DOCK10: variants seen among roughly 807,000 people sequenced by gnomAD.
The protein encoded by DOCK10 is dedicator of cytokinesis 10.
A neutral mutation model predicts 280.1 loss-of-function variants in DOCK10; 145 were observed. The observed-to-expected ratio is 0.52, with a 90% CI of 0.45 to 0.59. DOCK10 has a LOEUF of 0.59. DOCK10 is among the 20% of genes least tolerant of loss of function. The pLI is 0.00. For synonymous variants in DOCK10, 915 were observed against 942.2 expected (o/e 0.97, Z 0.53); for missense variants, 2,368 against 2,651.7 (o/e 0.89, Z 2.35).
chr2:224,884,463 T>C (rs1482755526), intron 7 of DOCK10, among the ~76,000 whole-genome samples: 3 of 152,176 alleles, frequency 2.0e-5, no homozygotes, highest in Admixed American at 6.5e-5. Flanking sequence ...TGAGGGAAGG[T>C]TGCTAAAACA....
chr2:224,851,537 G>A (rs1050070563), intron 18 of DOCK10, among the ~76,000 whole-genome samples: 4 of 146,434 alleles, frequency 2.7e-5, no homozygotes, highest in African/African-American at 7.6e-5. Flanking sequence ...ATTGATTATT[G>A]TTCTTCTGAA....
rs1694656896 is a variant in DOCK10 at position 224,823,667 on chromosome 2, T to C, written c.3037-20A>G. ...GGGAAGCTAAGGAAAGAACGGATTA[T>C]ATCTTTCTAATGTGGCATGTGAAAT... On this transcript the variant is annotated intron_variant, in intron 27 of 55. Coordinates refer to ENST00000258390, the MANE Select transcript of DOCK10 (RefSeq NM_014689.3). 6.4e-7 allele frequency: 1 copy of C among 1,563,532 alleles called. No individual in the cohort carries two copies.
intron 29 of DOCK10, among the ~76,000 whole-genome samples, chr2:224,817,013 T>C (rs1054337576): frequency 6.6e-6 from 1 of 152,210 alleles, no homozygotes; most frequent in Admixed American, 6.5e-5. Context: ...TTAGCATGAA[T>C]CATGACACAT....
intron 3 of DOCK10, among the ~76,000 whole-genome samples, chr2:224,911,659 C>A (rs1443248286): frequency 1.3e-5 from 2 of 152,074 alleles, no homozygotes; most frequent in Admixed American, 6.5e-5. Flanking sequence ...CAGCCAAATC[C>A]AAGGCTCTGA....
intron 7 of DOCK10, 43 bp downstream of exon 7, chr2:224,885,627 CA>C (rs1559655723): frequency 1.3e-6 from 2 of 1,507,894 alleles, no homozygotes; most frequent in Non-Finnish European, 1.8e-6. Context: ...ATATACTTTT[CA>C]AATAAAAAAA....
At position 224,845,591 on chromosome 2, in the gene DOCK10, A is replaced by T; in HGVS notation, c.2287T>A (p.Ser763Thr). ...ATGTCACAGGTGACGTGATAAAAAG[A>T]AAACAAAATATGGTGTTTCTCATGG... The part of the protein sequence containing the change: ...QLHEKHHILF[S>T]FYHVTCDINA... The change falls in exon 20 of 56, where the codon TCT (serine) becomes ACT (threonine). Residue 763 changes from serine to threonine, a missense_variant. Around this residue, in one of 2 missense-constraint regions of DOCK10, gnomAD observed 1,209 missense variants for 1,250.9 expected, o/e 0.97. Coordinates refer to ENST00000258390, the MANE Select transcript of DOCK10 (RefSeq NM_014689.3). The T allele has an allele frequency of 1.9e-6, 3 of 1,613,400 alleles. No individual in the cohort carries two copies. Among genetic ancestry groups the T allele is most frequent in the Non-Finnish European group, 2.5e-6 (3 of 1,179,564 alleles).
intron 1 of DOCK10, among the ~76,000 whole-genome samples, chr2:225,008,014 G>C (rs192870940): frequency 1.3e-5 from 2 of 152,190 alleles, no homozygotes; most frequent in Admixed American, 1.3e-4. Context: ...ACGCATAGCA[G>C]ATCCAATATG....
chr2:224,948,039 A>G (rs951758439), intron 1 of DOCK10, among the ~76,000 whole-genome samples: 3 of 152,242 alleles, frequency 2.0e-5, no homozygotes, highest in Non-Finnish European at 4.4e-5. Flanking sequence ...TGATAAACAG[A>G]TATACAATAT....
chr2:224,840,046 A>T lies in DOCK10; in HGVS notation c.2688T>A (p.His896Gln), dbSNP rs752014169. Residue 896 changes from histidine to glutamine, a missense_variant, in exon 24 of 56, where the codon CAT becomes CAA. By Grantham distance (24) the His-to-Gln change is conservative (BLOSUM62 0). Around this residue, in one of 2 missense-constraint regions of DOCK10, gnomAD observed 1,209 missense variants for 1,250.9 expected, o/e 0.97. Coordinates refer to ENST00000258390, the MANE Select transcript of DOCK10 (RefSeq NM_014689.3). Reference sequence around the variant, plus strand: ...TTATAGGCAGAAAACTCATGATTGCATGAATCTTTTCCACATTCAATAAGT... The same window carrying T: ...TTATAGGCAGAAAACTCATGATTGCTTGAATCTTTTCCACATTCAATAAGT... ...CKNLLNVEKI[H>Q]AIMSFLPIIL... 6.4e-7 allele frequency: 1 copy of T among 1,554,062 alleles called. No individual in the cohort carries two copies. The highest frequency in any genetic ancestry group is 1.9e-5 in the Admixed American group (1 of 52,688).
chr2:224,881,764 C>T (rs1221209703), intron 7 of DOCK10, among the ~76,000 whole-genome samples: 1 of 152,100 alleles, frequency 6.6e-6, no homozygotes, highest in Non-Finnish European at 1.5e-5. Context: ...ATTTTCAGAA[C>T]TTGAGTTGCT....
chr2:225,021,027 G>C (rs1169619470), intron 1 of DOCK10, among the ~76,000 whole-genome samples: 1 of 152,200 alleles, frequency 6.6e-6, no homozygotes, highest in African/African-American at 2.4e-5. Context: ...GTTTGCTAAA[G>C]GCAGGAGGAG....
intron 4 of DOCK10, among the ~76,000 whole-genome samples, chr2:224,894,469 A>C (rs1011808141): frequency 6.6e-6 from 1 of 152,208 alleles, no homozygotes. Flanking sequence ...CAGTCTCCCA[A>C]CTTCCGAGTT....
At chr2:224,833,250 G>A (rs1413377003) in intron 26 of DOCK10, among the ~76,000 whole-genome samples, 1 of 151,784 alleles carries the variant, frequency 6.6e-6, no homozygotes, top group African/African-American at 2.4e-5. Flanking sequence ...GTTCTGCTCT[G>A]AGTGGGAACG....
At chr2:224,961,402 T>TTCTTTCTTTC (rs747682625) in intron 1 of DOCK10, among the ~76,000 whole-genome samples, 1 of 121,358 alleles carries the variant, frequency 8.2e-6, no homozygotes, top group Non-Finnish European at 1.8e-5. Context: ...AGCATTTTCT[T>TTCTTTCTTTC]TCTTTCTTTC....
At chr2:224,900,113 C>T (rs1700209084) in intron 3 of DOCK10, among the ~76,000 whole-genome samples, 1 of 152,132 alleles carries the variant, frequency 6.6e-6, no homozygotes, top group Admixed American at 6.5e-5. Context: ...CCCTTTCTTG[C>T]TATTGATGGT....
chr2:224,837,604 A>T lies in DOCK10; in HGVS notation c.2850+158T>A, dbSNP rs1004191008. On this transcript the variant is annotated intron_variant, in intron 25 of 55. Transcript: ENST00000258390. ...AAATTCACCTAGCCCATTAATGCAA[A>T]GAGATGGAATTCTAAGTAGCTAAGG... is the stretch of plus-strand genomic sequence containing the variant. 10 of 610,922 alleles carry T rather than the reference A, an allele frequency of 1.6e-5. 1 individual carries two copies. The Middle Eastern group carries it at 1.3e-3, about 78-fold the overall frequency. The allele number at this position is 610,922 out of a possible 1,614,324, so 37.8% of individuals were successfully genotyped here.
At chr2:224,801,300 A>AAAAAAC (rs1692992845) in intron 40 of DOCK10, among the ~76,000 whole-genome samples, 1 of 150,954 alleles carries the variant, frequency 6.6e-6, no homozygotes, top group African/African-American at 2.5e-5. Flanking sequence ...AAAAAAAAAA[A>AAAAAAC]AAACATATTT....
Position 224,805,173 on chromosome 2 carries a change from CT to C in DOCK10, c.4051+32del, listed in dbSNP as rs1352555042. The C allele has an allele frequency of 1.3e-6, 2 of 1,599,400 alleles. No individual in the cohort carries two copies. The highest frequency in any genetic ancestry group is 8.5e-7 in the Non-Finnish European group (1 of 1,175,642). On this transcript the variant is annotated intron_variant, in intron 36 of 55. Coordinates refer to ENST00000258390, the MANE Select transcript of DOCK10 (RefSeq NM_014689.3). This position sits in a 1 kb window ranked among gnomAD's most constrained non-coding sequence, Gnocchi z 4.3. ...TGAGAATCTGAAGGTTTTCTTTTTC[CT>C]TTTTTCAAAAAAATTAAAGAATTCT...
chr2:224,839,543 T>C (rs1033861348), intron 24 of DOCK10, among the ~76,000 whole-genome samples: 9 of 152,232 alleles, frequency 5.9e-5, no homozygotes, highest in African/African-American at 2.2e-4. Flanking sequence ...GAACTACTGA[T>C]AGATGCAATG....
Sources: gnomAD v4.1 joint callset for allele counts (sites outside exome capture counted in the v4.1 genomes callset) on GRCh38, gnomAD v4.1.1 for gene constraint, gnomAD v4.1.1 regional missense constraint, Gnocchi (gnomAD v3.1) non-coding constraint, MANE v1.5 for transcripts, NCBI Gene and HGNC (gene_info 2026-07-23, HGNC 2026-07-21) for gene names.